GCNT1: variants seen among roughly 807,000 people sequenced by gnomAD.
The protein encoded by GCNT1 is glucosaminyl (N-acetyl) transferase 1.
A neutral mutation model predicts 26.2 loss-of-function variants in GCNT1; 16 were observed. That is an observed-to-expected ratio of 0.61 (90% CI 0.41 to 0.93). The LOEUF is 0.93. GCNT1 is among the 40% of genes least tolerant of loss of function. The pLI is 0.00. For synonymous variants in GCNT1, 183 were observed against 190.8 expected, an observed-to-expected ratio of 0.96 and a Z score of 0.34; for missense variants, 477 against 526.7, an observed-to-expected ratio of 0.91 and a Z score of 0.92.
rs766964977 is a variant in GCNT1, at chr9:76,502,992, A to G, written c.611A>G (p.Tyr204Cys). ...QADLNCMKDL[Y>C]AMSANWKYLI... ...GACCTCAACTGCATGAAGGATCTCT[A>G]TGCAATGAGTGCAAACTGGAAGTAC... The change falls in exon 4 of 4, where the codon TAT becomes TGT. Residue 204 changes from tyrosine (Y) to cysteine (C), a missense_variant. By Grantham distance (194) the Tyr-to-Cys change is radical. Coordinates refer to ENST00000376730, the MANE Select transcript of GCNT1 (RefSeq NM_001490.5). The G allele has an allele frequency of 1.2e-5, 20 of 1,613,430 alleles. No homozygotes were observed. Among genetic ancestry groups the G allele is most frequent in the Admixed American group, 5.0e-5 (3 of 59,972 alleles).
At chr9:76,483,066 C>G (rs992441822) in intron 2 of GCNT1, among the ~76,000 whole-genome samples, 5 of 151,874 alleles carry the variant, frequency 3.3e-5, no homozygotes, top group African/African-American at 1.2e-4. Flanking sequence ...ATTTGTATTA[C>G]AATGTAATAA....
intron 2 of GCNT1, among the ~76,000 whole-genome samples, chr9:76,476,523 A>G (rs1034834941): frequency 5.3e-5 from 8 of 151,168 alleles, no homozygotes; most frequent in African/African-American, 1.7e-4. Flanking sequence ...TTGGCCTGCA[A>G]TGATAATGAG....
chr9:76,394,024 C>A, the GCNT1 span: 1 of 1,467,654 alleles, frequency 6.8e-7, no homozygotes. Context: ...CCCAAGTCCC[C>A]GGCTGCCGTC....
intron 2 of GCNT1, among the ~76,000 whole-genome samples, chr9:76,463,331 C>T (rs1361031807): frequency 6.6e-6 from 1 of 152,166 alleles, no homozygotes; most frequent in Non-Finnish European, 1.5e-5. Context: ...AAGCACGGCC[C>T]AGTGTGACTG....
intron 2 of GCNT1, among the ~76,000 whole-genome samples, chr9:76,482,967 T>G (rs891121434): frequency 3.3e-5 from 5 of 151,884 alleles, no homozygotes; most frequent in Admixed American, 3.3e-4. Context: ...AACAGTATAT[T>G]ATCTTTAATC....
intron 2 of GCNT1, among the ~76,000 whole-genome samples, chr9:76,480,909 A>G (rs1030870850): frequency 6.6e-6 from 1 of 151,972 alleles, no homozygotes; most frequent in Non-Finnish European, 1.5e-5. Flanking sequence ...CATTTTTTAT[A>G]TAATTATAAA....
chr9:76,413,931 G>A, the GCNT1 span, among the ~76,000 whole-genome samples: 5 of 152,004 alleles, frequency 3.3e-5, no homozygotes, highest in South Asian at 8.3e-4. Flanking sequence ...GTTTTGGAAG[G>A]TTCTATTGAC....
intron 1 of GCNT1, among the ~76,000 whole-genome samples, chr9:76,444,771 G>A (rs1393188694): frequency 1.3e-5 from 2 of 152,180 alleles, no homozygotes; most frequent in Non-Finnish European, 1.5e-5. Flanking sequence ...TGGGCCCTCT[G>A]TGTTGTTCTG....
intron 1 of GCNT1, among the ~76,000 whole-genome samples, chr9:76,424,225 A>G (rs1823233048): frequency 6.6e-6 from 1 of 152,158 alleles, no homozygotes; most frequent in Admixed American, 6.6e-5. Context: ...AAGTCCTTGC[A>G]TTTTTCAAAA....
chr9:76,410,108 C>A, the GCNT1 span, among the ~76,000 whole-genome samples: 2 of 151,986 alleles, frequency 1.3e-5, no homozygotes, highest in Non-Finnish European at 2.9e-5. Flanking sequence ...TCCACTGTGA[C>A]CTGAAATAAT....
At chr9:76,478,170 G>C (rs913335032) in intron 2 of GCNT1, among the ~76,000 whole-genome samples, 2 of 152,326 alleles carry the variant, frequency 1.3e-5, no homozygotes, top group African/African-American at 4.8e-5. Context: ...GCGGCAACCT[G>C]CTCAGGTATC....
At chr9:76,407,889 A>G in the GCNT1 span, among the ~76,000 whole-genome samples, 1 of 152,168 alleles carries the variant, frequency 6.6e-6, no homozygotes, top group African/African-American at 2.4e-5. Context: ...TATAAATGGT[A>G]TTGATATTAT....
At position 76,428,023 on chromosome 9, in the gene GCNT1, A is replaced by G. The variant is rs151011700; in HGVS notation, n.38+8136A>G. Among the ~76,000 whole-genome samples the G allele has an allele frequency of 6.2e-3, 947 of 152,100 alleles. 10 individuals carry two copies. The highest frequency in any genetic ancestry group is 0.021 in the African/African-American group (867 of 41,512). ...AACAAACAAAAAACACATGAAAAAC[A>G]TTAAAGGCCAAGGCGGGCAAATCAC... On this transcript the variant is annotated intron_variant and non_coding_transcript_variant, in intron 1 of 3. Coordinates refer to the GCNT1 transcript ENST00000488136.
chr9:76,486,109 C>A (rs562006163), intron 2 of GCNT1, among the ~76,000 whole-genome samples: 1 of 152,356 alleles, frequency 6.6e-6, no homozygotes, highest in Admixed American at 6.5e-5. Context: ...CCTAGCTCTT[C>A]TGCTTACTAG....
intron 1 of GCNT1, among the ~76,000 whole-genome samples, chr9:76,451,904 A>C (rs1587418389): frequency 6.7e-6 from 1 of 148,608 alleles, no homozygotes; most frequent in Non-Finnish European, 1.5e-5. Context: ...TTTTATAGCC[A>C]TACACTTCCT....
chr9:76,411,487 C>A, the GCNT1 span, among the ~76,000 whole-genome samples: 1 of 151,670 alleles, frequency 6.6e-6, no homozygotes, highest in African/African-American at 2.4e-5. Flanking sequence ...TGCCACCATG[C>A]CTGGCTAATT....
At chr9:76,469,244 T>C (rs1824074788) in intron 2 of GCNT1, among the ~76,000 whole-genome samples, 1 of 152,202 alleles carries the variant, frequency 6.6e-6, no homozygotes, top group South Asian at 2.1e-4. Flanking sequence ...GAGACAGGAC[T>C]AGCTGGATTT....
chr9:76,489,977 T>G (rs1173514521), intron 2 of GCNT1, among the ~76,000 whole-genome samples: 1 of 149,658 alleles, frequency 6.7e-6, no homozygotes, highest in Admixed American at 6.7e-5. Flanking sequence ...CTTGATGGCC[T>G]CAATCCTAGA....
chr9:76,436,481 A>T (rs547470802), intron 1 of GCNT1, among the ~76,000 whole-genome samples: 68 of 151,174 alleles, frequency 4.5e-4, no homozygotes, highest in African/African-American at 1.7e-3. Context: ...AATCCCAAGT[A>T]CTCCAGAGGC....
Sources: allele counts gnomAD v4.1 joint callset (sites outside exome capture counted in the v4.1 genomes callset), GRCh38; gene constraint gnomAD v4.1.1; transcripts MANE v1.5; gene names NCBI Gene and HGNC (gene_info 2026-07-23, HGNC 2026-07-21).